Variants in RBMS2 observed in about 807,000 individuals in gnomAD.
The protein encoded by RBMS2 is RNA-binding motif, single-stranded-interacting protein 2.
Under a neutral mutation model 58.4 loss-of-function variants are expected in RBMS2, and 38 were observed. The ratio of observed to expected loss-of-function variants is 0.65; its 90% CI spans 0.50 to 0.85. The LOEUF is 0.85. Among genes scored for constraint, RBMS2 ranks in the 40% least tolerant of loss-of-function variants. The pLI, the probability that RBMS2 is intolerant of heterozygous loss-of-function variation, is 0.00. For synonymous variants in RBMS2, 151 were observed against 180.7 expected (o/e 0.84, Z 1.32); for missense variants, 367 against 503.7 (o/e 0.73, Z 2.60).
At chr12:56,573,242 T>A (rs1882589802) in intron 5 of RBMS2, 1 of 909,182 alleles carries the variant, frequency 1.1e-6, no homozygotes, top group Non-Finnish European at 1.3e-6. Context: ...TTTGGGAGGC[T>A]GAGGCGGGTG....
chr12:56,538,022 TTTTATTTATTTA>T (rs35430429), intron 1 of RBMS2, among the ~76,000 whole-genome samples: 2 of 150,004 alleles, frequency 1.3e-5, no homozygotes. Flanking sequence ...GCTTATTTTA[TTTTATTTATTTA>T]TTTATTTATT....
At chr12:56,520,530 A>G (rs542064382), upstream of RBMS2, among the ~76,000 whole-genome samples, 3 of 152,270 alleles carry the variant, frequency 2.0e-5, no homozygotes, top group Admixed American at 1.3e-4. Flanking sequence ...TAACATCCCT[A>G]TTGCACTTGG....
At chr12:56,522,201 T>G in intron 1 of RBMS2, 112 bp downstream of exon 1, 1 of 795,646 alleles carries the variant, frequency 1.3e-6, no homozygotes, top group Non-Finnish European at 2.0e-6. Context: ...TCTCTCAAGA[T>G]TCCTAATTCC....
intron 1 of RBMS2, among the ~76,000 whole-genome samples, chr12:56,553,689 AC>A (rs1878701998): frequency 6.6e-6 from 1 of 151,740 alleles, no homozygotes; most frequent in South Asian, 2.1e-4. Flanking sequence ...CTGGTCTCAA[AC>A]TCCTGGGCTC....
At chr12:56,580,640 TA>T in intron 5 of RBMS2, among the ~76,000 whole-genome samples, 1 of 152,182 alleles carries the variant, frequency 6.6e-6, no homozygotes, top group East Asian at 1.9e-4. Flanking sequence ...AACAAGAAAC[TA>T]ACTCAGTAGA....
chr12:56,530,509 C>T (rs1489949033), intron 1 of RBMS2, among the ~76,000 whole-genome samples: 3 of 151,572 alleles, frequency 2.0e-5, no homozygotes, highest in Non-Finnish European at 2.9e-5. Flanking sequence ...TACTGGCTCA[C>T]GCCATCACAC....
intron 5 of RBMS2, among the ~76,000 whole-genome samples, chr12:56,577,887 TGCCCAG>T (rs886665471): frequency 6.6e-6 from 1 of 152,122 alleles, no homozygotes; most frequent in African/African-American, 2.4e-5. Flanking sequence ...TTTACCATGT[TGCCCAG>T]GCTGGTCTCG....
At chr12:56,563,350 A>G (rs1412739672) in intron 2 of RBMS2, among the ~76,000 whole-genome samples, 2 of 152,126 alleles carry the variant, frequency 1.3e-5, no homozygotes, top group Non-Finnish European at 2.9e-5. Flanking sequence ...GGCATGAGAG[A>G]GCTGGCAGTG....
At chr12:56,537,078 AC>A in intron 1 of RBMS2, among the ~76,000 whole-genome samples, 1 of 151,316 alleles carries the variant, frequency 6.6e-6, no homozygotes, top group Non-Finnish European at 1.5e-5. Flanking sequence ...CTGCCATCAC[AC>A]CTGGCTAATT....
At chr12:56,533,023 C>G (rs542990369) in intron 1 of RBMS2, among the ~76,000 whole-genome samples, 99 of 152,150 alleles carry the variant, frequency 6.5e-4, no homozygotes, top group African/African-American at 2.3e-3. Context: ...CAGCCTCGAC[C>G]TCCCTGGCTC....
chr12:56,589,446 C>T lies in RBMS2; in HGVS notation c.*313C>T. The T allele has an allele frequency of 2.2e-6, 1 of 452,342 alleles. No homozygotes were observed. Among genetic ancestry groups the T allele is most frequent in the Non-Finnish European group, 3.3e-6 (1 of 303,212 alleles). 28.0% of individuals were successfully genotyped at this position (452,342 alleles called of 1,614,324 possible). A position where few individuals can be genotyped will look rare whatever the true frequency, so the allele number is the denominator to read the frequency against. On this transcript the variant is annotated 3_prime_UTR_variant, in exon 14 of 14. Transcript: ENST00000262031. ...TTAACTGCAACGTACTTTTCCCCTA[C>T]CTTGAAGAGACATGGTGGTCGCAGC...
chr12:56,568,526 ATTTCTTTTT>A lies in RBMS2; in HGVS notation c.234-436_234-428del, dbSNP rs1191046209. Among the ~76,000 whole-genome samples, 144 of 145,002 alleles carry A rather than the reference ATTTCTTTTT, an allele frequency of 9.9e-4. 1 individual carries two copies. Among genetic ancestry groups the A allele is most frequent in the Non-Finnish European group, 1.6e-3 (109 of 66,144 alleles). On this transcript the variant is annotated intron_variant, in intron 2 of 13. Coordinates refer to ENST00000262031, the MANE Select transcript of RBMS2 (RefSeq NM_002898.4). ...ATATTAAGTGTGGCATTTTTAACCC[ATTTCTTTTT>A]TTTCTTTTTTTTTTTTTTTGAGATG... is the stretch of plus-strand genomic sequence containing the variant.
rs1301886968 is a variant in RBMS2, at chr12:56,593,841, C to T, written c.*4708C>T. 1 of 152,490 alleles carries T rather than the reference C, an allele frequency of 6.6e-6. No individual in the cohort carries two copies. The highest frequency in any genetic ancestry group is 1.5e-5 in the Non-Finnish European group (1 of 68,266). 9.4% of individuals were successfully genotyped at this position (152,490 alleles called of 1,614,324 possible). A position where few individuals can be genotyped will look rare whatever the true frequency, so the allele number is the denominator to read the frequency against. ...GGATTACAGGCGTGAGCCACTGCAC[C>T]CGGCCCTTTGTAGTGTTTTTAACTA... is the stretch of plus-strand genomic sequence containing the variant. On this transcript the variant is annotated 3_prime_UTR_variant, in exon 14 of 14. Transcript: ENST00000262031.
At position 56,595,417 on chromosome 12, in the gene RBMS2, A is replaced by C. The variant is rs967448753; in HGVS notation, c.*6284A>C. ...TTATACTTAAACAGACATATTTTGC[A>C]TATTTTTATCTGGAGACTTCTTCTA... On this transcript the variant is annotated 3_prime_UTR_variant, in exon 14 of 14. Coordinates refer to ENST00000262031, the MANE Select transcript of RBMS2 (RefSeq NM_002898.4). 1 of 152,076 alleles carries C rather than the reference A, an allele frequency of 6.6e-6. No individual in the cohort carries two copies. The highest frequency in any genetic ancestry group is 1.5e-5 in the Non-Finnish European group (1 of 67,994). The allele number at this position is 152,076 out of a possible 1,614,324, so 9.4% of individuals were successfully genotyped here. A position where few individuals can be genotyped will look rare whatever the true frequency, so the allele number is the denominator to read the frequency against.
intron 1 of RBMS2, among the ~76,000 whole-genome samples, chr12:56,535,383 T>C (rs7299660): frequency 0.45 from 67,557 of 150,552 alleles, 15,903 homozygotes; most frequent in East Asian, 0.59. Context: ...TGGTCCCAGC[T>C]ACTCGGGAGG....
chr12:56,576,363 A>G (rs1883131182), intron 5 of RBMS2, among the ~76,000 whole-genome samples: 1 of 152,104 alleles, frequency 6.6e-6, no homozygotes, highest in Admixed American at 6.6e-5. Context: ...AAAAAATTTC[A>G]TGTTGTCCGC....
upstream of RBMS2, among the ~76,000 whole-genome samples, chr12:56,521,743 C>G (rs1325868743): frequency 6.6e-6 from 1 of 151,874 alleles, no homozygotes. Flanking sequence ...AAAAAAACAT[C>G]TTGGGCATTA....
intron 1 of RBMS2, among the ~76,000 whole-genome samples, chr12:56,559,238 G>A (rs1358256730): frequency 6.6e-6 from 1 of 151,772 alleles, no homozygotes; most frequent in East Asian, 2.0e-4. Context: ...GGAGTGCAGT[G>A]GCACAATCTC....
intron 2 of RBMS2, among the ~76,000 whole-genome samples, chr12:56,565,682 C>A (rs1170046660): frequency 6.6e-6 from 1 of 152,132 alleles, no homozygotes; most frequent in African/African-American, 2.4e-5. Context: ...CCTCTGTCCG[C>A]TGTGAGCAGG....
Sources: allele counts gnomAD v4.1 joint callset (sites outside exome capture counted in the v4.1 genomes callset), GRCh38; gene constraint gnomAD v4.1.1; transcripts MANE v1.5; gene names NCBI Gene and HGNC (gene_info 2026-07-23, HGNC 2026-07-21).